Variants in RABGAP1L observed in about 807,000 individuals in gnomAD.
The protein encoded by RABGAP1L is rab GTPase-activating protein 1-like.
In RABGAP1L, 63 loss-of-function variants were observed where a neutral mutation model predicts 137.7. The observed-to-expected ratio is 0.46, with a 90% CI of 0.37 to 0.56. The LOEUF (loss-of-function observed/expected upper bound fraction) is 0.56. Ranked by LOEUF, RABGAP1L falls within the 20% of genes least tolerant of loss-of-function variation. The pLI is 0.00. For synonymous variants in RABGAP1L, 431 were observed against 433.7 expected (o/e 0.99, Z 0.08); for missense variants, 1,095 against 1,244.0 (o/e 0.88, Z 1.80).
intron 1 of RABGAP1L, among the ~76,000 whole-genome samples, chr1:174,161,122 G>T (rs1370766851): frequency 6.6e-6 from 1 of 152,070 alleles, no homozygotes; most frequent in Non-Finnish European, 1.5e-5. Context: ...TTCAATAAAT[G>T]CGCTGATATT....
At chr1:174,163,347 G>A (rs939542671) in intron 1 of RABGAP1L, among the ~76,000 whole-genome samples, 3 of 152,130 alleles carry the variant, frequency 2.0e-5, no homozygotes, top group Middle Eastern at 3.4e-3. Context: ...TTTATACTTC[G>A]TTTACTTCCC....
intron 17 of RABGAP1L, among the ~76,000 whole-genome samples, chr1:174,712,243 T>C (rs1024657011): frequency 2.0e-5 from 3 of 152,138 alleles, no homozygotes; most frequent in Non-Finnish European, 4.4e-5. Flanking sequence ...GCAGTCACCT[T>C]CCGGACTGTG....
chr1:174,410,833 T>C (rs1649839896), intron 13 of RABGAP1L, among the ~76,000 whole-genome samples: 1 of 152,208 alleles, frequency 6.6e-6, no homozygotes, highest in Non-Finnish European at 1.5e-5. Flanking sequence ...CTTTGGGCAG[T>C]ATGGCCACTT....
In RABGAP1L at chr1:174,683,542, A is replaced by C. The variant is rs779573319; in HGVS notation, c.1845A>C (p.Glu615Asp). The change falls in exon 15 of 26, where the codon GAA (glutamate) becomes GAC (aspartate). Residue 615 changes from glutamate (E) to aspartate (D), a missense_variant. Physicochemically the swap from Glu to Asp is conservative, Grantham distance 45. Transcript: ENST00000681986. ...KICKAYSVYD[E>D]DIGYCQGQSF... ...TCTAGGCCTACTCTGTGTATGATGAAGACATTGGGTACTGTCAAGGGCAGT... is the reference window on the plus strand; with the variant it reads ...TCTAGGCCTACTCTGTGTATGATGACGACATTGGGTACTGTCAAGGGCAGT... The C allele has an allele frequency of 7.5e-6, 12 of 1,605,228 alleles. No individual in the cohort carries two copies. Among genetic ancestry groups the C allele is most frequent in the Non-Finnish European group, 1.0e-5 (12 of 1,172,200 alleles).
Position 174,799,974 on chromosome 1 carries a change from A to T in RABGAP1L, c.2212-11858A>T, listed in dbSNP as rs979892872. 1.1e-4 allele frequency: 105 copies of T among 992,654 alleles called. No individual in the cohort carries two copies. In the African/African-American group the frequency reaches 1.8e-3, roughly 17 times the overall value. The allele number at this position is 992,654 out of a possible 1,614,324, so 61.5% of individuals were successfully genotyped here. ...CACACACACACACACACACACACAC[A>T]CACACTCTCACACATTCTCACATGC... On this transcript the variant is annotated intron_variant, in intron 18 of 25. Coordinates refer to ENST00000681986, the MANE Select transcript of RABGAP1L (RefSeq NM_001366446.1).
intron 13 of RABGAP1L, among the ~76,000 whole-genome samples, chr1:174,493,627 C>T (rs1037521226): frequency 1.3e-5 from 2 of 151,658 alleles, no homozygotes; most frequent in African/African-American, 4.9e-5. Context: ...CAAGACCAGC[C>T]TGGGCAACAT....
At chr1:174,442,318 A>G (rs1019020492) in intron 13 of RABGAP1L, among the ~76,000 whole-genome samples, 5 of 152,150 alleles carry the variant, frequency 3.3e-5, no homozygotes, top group African/African-American at 1.2e-4. Flanking sequence ...ATAAAATAGG[A>G]CTTTCTAGCC....
chr1:174,821,067 G>A (rs965578422), intron 19 of RABGAP1L, among the ~76,000 whole-genome samples: 1 of 150,220 alleles, frequency 6.7e-6, no homozygotes, highest in Non-Finnish European at 1.5e-5. Context: ...TCCAGTGATC[G>A]CAGCAAAACC....
intron 8 of RABGAP1L, chr1:174,275,260 A>G (rs1478076201): frequency 6.6e-6 from 1 of 152,194 alleles, no homozygotes; most frequent in East Asian, 1.9e-4. Flanking sequence ...TTAGTCTCCT[A>G]ATACTAATTT....
rs183386550 is a variant in RABGAP1L at position 174,767,928 on chromosome 1, G to A, written c.2211+15574G>A. Among the ~76,000 whole-genome samples the A allele has an allele frequency of 3.3e-5, 5 of 152,216 alleles. No homozygotes were observed. The East Asian group carries it at 7.7e-4, about 24-fold the overall frequency. On this transcript the variant is annotated intron_variant, in intron 18 of 25. Transcript: ENST00000681986. ...AGAGAATGAGAGCAAAGTGAAACAAGTTTCCCCTTATTAAAACATCAGATT... is the reference window on the plus strand; with the variant it reads ...AGAGAATGAGAGCAAAGTGAAACAAATTTCCCCTTATTAAAACATCAGATT...
chr1:174,272,241 G>A (rs922883779), intron 7 of RABGAP1L, among the ~76,000 whole-genome samples, 173 bp from the exon 8 acceptor site: 3 of 151,660 alleles, frequency 2.0e-5, no homozygotes, highest in Non-Finnish European at 3.0e-5. Flanking sequence ...ATTTCTGTGT[G>A]ATTTTATTAT....
intron 17 of RABGAP1L, among the ~76,000 whole-genome samples, chr1:174,720,037 G>A (rs568813873): frequency 1.3e-5 from 2 of 151,996 alleles, no homozygotes; most frequent in South Asian, 4.2e-4. Context: ...GGGTGGGAGA[G>A]GGACTATTTC....
At chr1:174,204,187 G>T (rs1171955171) in intron 1 of RABGAP1L, among the ~76,000 whole-genome samples, 1 of 152,124 alleles carries the variant, frequency 6.6e-6, no homozygotes, top group Non-Finnish European at 1.5e-5. Context: ...CTGACCTCAA[G>T]TGATCTGCCC....
intron 11 of RABGAP1L, among the ~76,000 whole-genome samples, chr1:174,349,874 T>C (rs1571343848): frequency 2.6e-5 from 3 of 117,484 alleles, no homozygotes; most frequent in Admixed American, 8.8e-5. Context: ...CCCCCCCACC[T>C]CCCTCCTGGA....
intron 19 of RABGAP1L, among the ~76,000 whole-genome samples, chr1:174,907,302 C>T (rs1419441609): frequency 6.6e-6 from 1 of 151,794 alleles, no homozygotes; most frequent in South Asian, 2.1e-4. Flanking sequence ...ATTTGTGATC[C>T]AAGATAAGTT....
In RABGAP1L at chr1:174,981,849, T is replaced by C. The variant is rs570578369; in HGVS notation, c.2734-985T>C. Reference sequence around the variant, plus strand: ...TAAGAAGAATATATTTTATTTAATGTACACTTACTATTGGCCAAGTGCTAT... The same window carrying C: ...TAAGAAGAATATATTTTATTTAATGCACACTTACTATTGGCCAAGTGCTAT... On this transcript the variant is annotated intron_variant, in intron 23 of 25. Coordinates refer to ENST00000681986, the MANE Select transcript of RABGAP1L (RefSeq NM_001366446.1). Among the ~76,000 whole-genome samples, 6 of 152,318 alleles carry C rather than the reference T, an allele frequency of 3.9e-5. No individual in the cohort carries two copies. In the East Asian group the frequency reaches 5.8e-4, roughly 15 times the overall value.
At chr1:174,704,537 T>G (rs1679909045) in intron 17 of RABGAP1L, among the ~76,000 whole-genome samples, 1 of 152,240 alleles carries the variant, frequency 6.6e-6, no homozygotes, top group Admixed American at 6.5e-5. Context: ...TCATTTGTAC[T>G]GTACTTTGAT....
At chr1:174,370,311 G>A (rs1558173956) in intron 11 of RABGAP1L, among the ~76,000 whole-genome samples, 1 of 151,890 alleles carries the variant, frequency 6.6e-6, no homozygotes, top group Non-Finnish European at 1.5e-5. Flanking sequence ...TGCTTAAAAG[G>A]TTTATAGAGT....
At chr1:174,526,705 T>C (rs943942096) in intron 13 of RABGAP1L, among the ~76,000 whole-genome samples, 3 of 152,084 alleles carry the variant, frequency 2.0e-5, no homozygotes, top group African/African-American at 7.2e-5. Context: ...TTTTAAAAAT[T>C]TGGGTCATTT....
Sources: allele counts gnomAD v4.1 joint callset (sites outside exome capture counted in the v4.1 genomes callset), GRCh38; gene constraint gnomAD v4.1.1; transcripts MANE v1.5; gene names NCBI Gene and HGNC (gene_info 2026-07-23, HGNC 2026-07-21).